The following SHPK variants were observed in gnomAD, a reference collection of about 807,000 sequenced individuals.
SHPK encodes the protein carbohydrate kinase-like protein.
SHPK carries 51 observed loss-of-function variants against 46.3 expected under a neutral mutation model. That is an observed-to-expected ratio of 1.10 (90% CI 0.88 to 1.39). The LOEUF is 1.39. Ranked by LOEUF, SHPK falls within the 40% of genes most tolerant of loss-of-function variation. The pLI is 0.00. For synonymous variants in SHPK, 290 were observed against 273.9 expected, an observed-to-expected ratio of 1.06 and a Z score of -0.58; for missense variants, 668 against 641.3, an observed-to-expected ratio of 1.04 and a Z score of -0.45.
intron 1 of SHPK, 103 bp from the exon 2 acceptor site, chr17:3,630,449 C>G: frequency 8.1e-7 from 1 of 1,228,280 alleles, no homozygotes. Context: ...TGGGCAGCAT[C>G]CACTCCCTAA....
rs376852545 is a variant in SHPK, at chr17:3,608,268, T to C, written c.*2292A>G. On this transcript the variant is annotated 3_prime_UTR_variant, in exon 7 of 7. Transcript: ENST00000225519. ...CACGAATTTCTTTTTCTTTAGAATT[T>C]CACAGATAGAAGATTCAGCATATGA... 1.1e-4 allele frequency: 17 copies of C among 151,920 alleles called. No homozygotes were observed. The highest frequency in any genetic ancestry group is 7.7e-4 in the East Asian group (4 of 5,170). 9.4% of individuals were successfully genotyped at this position (151,920 alleles called of 1,614,324 possible).
chr17:3,622,223 C>G lies in SHPK; in HGVS notation c.648-811G>C, dbSNP rs182142890. Among the ~76,000 whole-genome samples, 371 of 152,364 alleles carry G rather than the reference C, an allele frequency of 2.4e-3. 1 individual carries two copies. Among genetic ancestry groups the G allele is most frequent in the Non-Finnish European group, 4.2e-3 (289 of 68,030 alleles). Reference sequence around the variant, plus strand: ...GGATAGAATTCAGTGCCCTCACAGGCAGCTTCTCTGGCTTTTTTAAAACCA... The same window carrying G: ...GGATAGAATTCAGTGCCCTCACAGGGAGCTTCTCTGGCTTTTTTAAAACCA... On this transcript the variant is annotated intron_variant, in intron 4 of 6. Transcript: ENST00000225519.
intron 2 of SHPK, among the ~76,000 whole-genome samples, chr17:3,628,196 G>A (rs222790): frequency 0.21 from 32,223 of 152,038 alleles, 3,564 homozygotes; most frequent in East Asian, 0.32. Flanking sequence ...CAAAGTAGCC[G>A]TCCATCTTCT....
rs1294544113 is a variant in SHPK, at chr17:3,624,134, G to C, written c.408C>G (p.Phe136Leu). The C allele has an allele frequency of 6.2e-7, 1 of 1,614,194 alleles. No individual in the cohort carries two copies. The highest frequency in any genetic ancestry group is 8.5e-7 in the Non-Finnish European group (1 of 1,180,012). ...ACTTCGGCTGGGGCAGAGAGGCCAGGAATTCGCTGCTACATCGGCCATCCT... is the reference window on the plus strand; with the variant it reads ...ACTTCGGCTGGGGCAGAGAGGCCAGCAATTCGCTGCTACATCGGCCATCCT... ...TWQDGRCSSEFLASLPQPKSH... is the reference protein window; with the variant it reads ...TWQDGRCSSELLASLPQPKSH... Residue 136 changes from phenylalanine (F) to leucine (L), a missense_variant, in exon 3 of 7, where the codon TTC becomes TTG. Coordinates refer to ENST00000225519, the MANE Select transcript of SHPK (RefSeq NM_013276.4).
rs370968589 is a variant in SHPK, at chr17:3,610,860, C to T, written c.1137G>A (p.Pro379=). The T allele has an allele frequency of 2.7e-5, 43 of 1,613,916 alleles. No homozygotes were observed. Among genetic ancestry groups the T allele is most frequent in the Middle Eastern group, 1.6e-4 (1 of 6,078 alleles). ...TTCTGGTCACTGAGGCCAGCTGGTC[C>T]GGCAGGTGCCTCTCCCCCAGCACTG... ...TPTVLGERHL[P]DQLASVTRIS... The change falls in exon 7 of 7, where the codon CCG becomes CCA. Residue 379 remains proline, a synonymous_variant. Coordinates refer to ENST00000225519, the MANE Select transcript of SHPK (RefSeq NM_013276.4).
Position 3,623,444 on chromosome 17 carries a change from T to C in SHPK, c.542A>G (p.Tyr181Cys), listed in dbSNP as rs979773683. The C allele has an allele frequency of 5.0e-6, 8 of 1,614,110 alleles. No individual in the cohort carries two copies. Among genetic ancestry groups the C allele is most frequent in the African/African-American group, 1.3e-5 (1 of 75,048 alleles). ...SYDAAGTIHD[Y>C]VVAMLCGLPR... ...CAAGCCACACAGCATGGCAACCACA[T>C]AGTCGTGGATGGTACCGGCTGCGTC... The change falls in exon 4 of 7, where the codon TAT becomes TGT. Residue 181 changes from tyrosine to cysteine, a missense_variant. Transcript: ENST00000225519.
intron 5 of SHPK, among the ~76,000 whole-genome samples, chr17:3,616,820 C>T (rs745327926): frequency 1.3e-5 from 2 of 152,234 alleles, no homozygotes; most frequent in Admixed American, 6.5e-5. Context: ...CTCATGCAAC[C>T]TCTGCCTCCC....
chr17:3,631,986 A>G (rs973016566), intron 1 of SHPK, among the ~76,000 whole-genome samples: 1 of 151,442 alleles, frequency 6.6e-6, no homozygotes, highest in African/African-American at 2.4e-5. Context: ...TTGAGACGGA[A>G]TCTCACTGTC....
rs1286086958 is a variant in SHPK at position 3,623,982 on chromosome 17, G to A, written c.494+66C>T. The A allele has an allele frequency of 6.7e-5, 98 of 1,459,840 alleles. No homozygotes were observed. The South Asian group carries it at 9.8e-4, about 15-fold the overall frequency. The allele number at this position is 1,459,840 out of a possible 1,614,324, so 90.4% of individuals were successfully genotyped here. A position where few individuals can be genotyped will look rare whatever the true frequency, so the allele number is the denominator to read the frequency against. ...GCCCAGCAGGCGGGGTGATGCTGAC[G>A]CAGCCCCGGCCTATTCTCATTCTCC... On this transcript the variant is annotated intron_variant, in intron 3 of 6. Transcript: ENST00000225519.
chr17:3,612,460 A>G (rs1237992281), intron 6 of SHPK, among the ~76,000 whole-genome samples: 2 of 151,226 alleles, frequency 1.3e-5, no homozygotes, highest in African/African-American at 4.9e-5. Flanking sequence ...GTTTCGATAC[A>G]CTTTGACCTT....
In SHPK at chr17:3,624,144, C is replaced by T; in HGVS notation, c.398G>A (p.Ser133Asn). ...GGGCAGAGAGGCCAGGAATTCGCTG[C>T]TACATCGGCCATCCTGCCACGTGAC... ...HLVTWQDGRC[S>N]SEFLASLPQP... Residue 133 changes from serine (S) to asparagine (N), a missense_variant, in exon 3 of 7, where the codon AGC (serine) becomes AAC (asparagine). Ser to Asn is a conservative substitution (Grantham distance 46, BLOSUM62 1). Transcript: ENST00000225519. The T allele has an allele frequency of 6.2e-7, 1 of 1,614,164 alleles. No homozygotes were observed. The highest frequency in any genetic ancestry group is 8.5e-7 in the Non-Finnish European group (1 of 1,179,996).
chr17:3,633,374 C>G lies in SHPK; in HGVS notation c.168+2678G>C, dbSNP rs6502737. On this transcript the variant is annotated intron_variant, in intron 1 of 6. Coordinates refer to ENST00000225519, the MANE Select transcript of SHPK (RefSeq NM_013276.4). Reference sequence around the variant, plus strand: ...ATGGAGACATTTTTGGTTGTCACATCTGGGGAAGAGGGGCAAGCGTGGCTG... The same window carrying G: ...ATGGAGACATTTTTGGTTGTCACATGTGGGGAAGAGGGGCAAGCGTGGCTG... Among the ~76,000 whole-genome samples the G allele has an allele frequency of 7.0e-4, 106 of 150,786 alleles. 1 individual carries two copies. The highest frequency in any genetic ancestry group is 1.5e-3 in the African/African-American group (60 of 40,818).
chr17:3,635,229 GGAAGGAAGGAA>G (rs1418056355), intron 1 of SHPK, among the ~76,000 whole-genome samples: 1 of 133,558 alleles, frequency 7.5e-6, no homozygotes, highest in East Asian at 2.9e-4. Context: ...AAGGAAGGAA[GGAAGGAAGGAA>G]GGAAGGGAAG....
Position 3,636,036 on chromosome 17 carries a change from C to CG in SHPK, c.168+15dup. On this transcript the variant is annotated intron_variant, in intron 1 of 6. Transcript: ENST00000225519. ...GAGGCTCCTGGAGGCGGCGCGGCCC[C>CG]GGGGGTCCAACTCACCTGGGGCCCG... 1 of 1,530,924 alleles carries CG rather than the reference C, an allele frequency of 6.5e-7. No individual in the cohort carries two copies. Among genetic ancestry groups the CG allele is most frequent in the East Asian group, 2.5e-5 (1 of 40,498 alleles). 94.8% of individuals were successfully genotyped at this position (1,530,924 alleles called of 1,614,324 possible).
intron 5 of SHPK, 23 bp from the exon 6 acceptor site, chr17:3,615,560 C>A: frequency 6.2e-7 from 1 of 1,609,020 alleles, no homozygotes; most frequent in Non-Finnish European, 8.5e-7. Context: ...GAGAGCAGAG[C>A]TTAGGCCTGT....
chr17:3,635,514 C>T (rs1015578093), intron 1 of SHPK, among the ~76,000 whole-genome samples: 3 of 152,172 alleles, frequency 2.0e-5, no homozygotes, highest in Admixed American at 6.5e-5. Flanking sequence ...GGATTACAGG[C>T]GTGAGCCACC....
At chr17:3,625,873 C>T (rs201106672) in intron 2 of SHPK, among the ~76,000 whole-genome samples, 78 of 152,072 alleles carry the variant, frequency 5.1e-4, no homozygotes, top group African/African-American at 1.3e-3. Flanking sequence ...GACAACATGG[C>T]GAAACCCCAT....
intron 5 of SHPK, 29 bp from the exon 6 acceptor site, chr17:3,615,566 C>G (rs751659876): frequency 6.2e-6 from 10 of 1,604,156 alleles, no homozygotes; most frequent in Non-Finnish European, 8.5e-6. Context: ...AGAGCTTAGG[C>G]CTGTCGGGCT....
chr17:3,626,942 C>T (rs9904733), intron 2 of SHPK, among the ~76,000 whole-genome samples: 9,286 of 152,112 alleles, frequency 0.061, 327 homozygotes, highest in Non-Finnish European at 0.073. Flanking sequence ...ACTCCCTTTG[C>T]CAACTCTCGA....
Sources: gnomAD v4.1 joint callset for allele counts (sites outside exome capture counted in the v4.1 genomes callset) on GRCh38, gnomAD v4.1.1 for gene constraint, MANE v1.5 for transcripts, NCBI Gene and HGNC (gene_info 2026-07-23, HGNC 2026-07-21) for gene names.